The following ZNF277 variants were observed in gnomAD, a reference collection of about 807,000 sequenced individuals.
ZNF277 encodes the protein nuclear receptor-interacting factor 4.
A neutral mutation model predicts 60.7 loss-of-function variants in ZNF277; 55 were observed. The ratio of observed to expected loss-of-function variants is 0.91; its 90% confidence interval spans 0.73 to 1.13. The LOEUF (loss-of-function observed/expected upper bound fraction) is 1.13. Ranked by LOEUF, ZNF277 falls within the 50% of genes most tolerant of loss-of-function variation. The pLI is 0.00. For missense variants in ZNF277, 510 were observed against 523.0 expected, an observed-to-expected ratio of 0.98 and a Z score of 0.24; for synonymous variants, 178 against 179.3, an observed-to-expected ratio of 0.99 and a Z score of 0.06.
intron 1 of ZNF277, among the ~76,000 whole-genome samples, chr7:112,227,252 A>G (rs1158853557): frequency 6.6e-6 from 1 of 152,200 alleles, no homozygotes; most frequent in Non-Finnish European, 1.5e-5. Context: ...ACATATTTTC[A>G]TATGCTTGCA....
intron 2 of ZNF277, among the ~76,000 whole-genome samples, chr7:112,290,438 A>G (rs2117067716): frequency 6.6e-6 from 1 of 152,340 alleles, no homozygotes; most frequent in East Asian, 1.9e-4. Context: ...CTTAGGAGTC[A>G]GTAATTAAAT....
rs1430094710 is a variant in ZNF277 at position 112,322,445 on chromosome 7, C to T, written c.557+4172C>T. The stretch of plus-strand genomic sequence containing the variant: ...TACTTCCAGCTTAAGTCTTTTGAGC[C>T]CCTCTAGTCAATTTCTTATTTCAGT... On this transcript the variant is annotated intron_variant, in intron 5 of 11. Transcript: ENST00000361822. Among the ~76,000 whole-genome samples, 2 of 151,736 alleles carry T rather than the reference C, an allele frequency of 1.3e-5. 1 individual carries two copies. Among genetic ancestry groups the T allele is most frequent in the Non-Finnish European group, 2.9e-5 (2 of 67,944 alleles).
intron 1 of ZNF277, among the ~76,000 whole-genome samples, chr7:112,266,480 C>A (rs1369564221): frequency 6.6e-6 from 1 of 152,070 alleles, no homozygotes; most frequent in Non-Finnish European, 1.5e-5. Flanking sequence ...TATATAGTTA[C>A]TGTCTGGCCA....
chr7:112,224,708 C>T (rs568657745), intron 1 of ZNF277, among the ~76,000 whole-genome samples: 5 of 152,290 alleles, frequency 3.3e-5, no homozygotes, highest in African/African-American at 1.2e-4. Context: ...GCAGGTCTGG[C>T]AAGGACGGGG....
At chr7:112,212,134 A>G (rs1474575232) in intron 1 of ZNF277, among the ~76,000 whole-genome samples, 1 of 152,250 alleles carries the variant, frequency 6.6e-6, no homozygotes, top group Non-Finnish European at 1.5e-5. Context: ...AGTTTTTTAA[A>G]ATAAAGTTTT....
At chr7:112,301,747 ATAGT>A (rs2117085871) in intron 4 of ZNF277, among the ~76,000 whole-genome samples, 1 of 150,844 alleles carries the variant, frequency 6.6e-6, no homozygotes, top group African/African-American at 2.4e-5. Context: ...CTTTTCAATT[ATAGT>A]TAGTTATTTT....
chr7:112,294,598 TG>T (rs1792284115), intron 2 of ZNF277, among the ~76,000 whole-genome samples: 1 of 152,192 alleles, frequency 6.6e-6, no homozygotes, highest in South Asian at 2.1e-4. Context: ...AACTTAAACA[TG>T]GGATTCTATT....
In ZNF277 at chr7:112,342,652, G is replaced by A; in HGVS notation, c.1276G>A (p.Val426Ile). Residue 426 changes from valine (V) to isoleucine (I), a missense_variant, in exon 12 of 12, where the codon GTT (valine) becomes ATT (isoleucine). By Grantham distance (29) the Val-to-Ile change is conservative. Coordinates refer to ENST00000361822, the MANE Select transcript of ZNF277 (RefSeq NM_021994.3). ...GACAGCTCAGGAACAAAATGAAAAT[G>A]TTCCCATCATCAGTGAAGATACATC... ...DLTAQEQNEN[V>I]PIISEDTSKL... 6.2e-7 allele frequency: 1 copy of A among 1,612,756 alleles called. No individual in the cohort carries two copies. The highest frequency in any genetic ancestry group is 1.3e-5 in the African/African-American group (1 of 75,040).
At chr7:112,318,387 G>C in intron 5 of ZNF277, 114 bp downstream of exon 5, 1 of 829,468 alleles carries the variant, frequency 1.2e-6, no homozygotes, top group Non-Finnish European at 1.9e-6. Flanking sequence ...GGACCCTTTC[G>C]TATATAAGCA....
intron 2 of ZNF277, among the ~76,000 whole-genome samples, chr7:112,290,716 GTCT>G (rs933525769): frequency 7.0e-4 from 106 of 152,206 alleles, no homozygotes; most frequent in African/African-American, 2.4e-3. Flanking sequence ...ACTGTATCCA[GTCT>G]TCTTTAGATA....
intron 1 of ZNF277, among the ~76,000 whole-genome samples, chr7:112,276,138 G>A (rs1791788379): frequency 6.6e-6 from 1 of 152,170 alleles, no homozygotes; most frequent in African/African-American, 2.4e-5. Context: ...AACTCATTGA[G>A]AGTTTTCTAG....
chr7:112,303,864 G>A (rs1168994390), intron 4 of ZNF277, among the ~76,000 whole-genome samples: 1 of 152,014 alleles, frequency 6.6e-6, no homozygotes, highest in Non-Finnish European at 1.5e-5. Flanking sequence ...AGACTCAAAA[G>A]TAGAAGAAAA....
chr7:112,215,384 C>T (rs1821852918), intron 1 of ZNF277, among the ~76,000 whole-genome samples: 1 of 152,188 alleles, frequency 6.6e-6, no homozygotes, highest in African/African-American at 2.4e-5. Flanking sequence ...TCCTCTGGGA[C>T]AGTGTCATGT....
At position 112,321,365 on chromosome 7, in the gene ZNF277, A is replaced by G. The variant is rs373403799; in HGVS notation, c.557+3092A>G. Among the ~76,000 whole-genome samples the G allele has an allele frequency of 1.2e-4, 18 of 152,178 alleles. No homozygotes were observed. In the East Asian group the frequency reaches 2.5e-3, roughly 21 times the overall value. On this transcript the variant is annotated intron_variant, in intron 5 of 11. Coordinates refer to ENST00000361822, the MANE Select transcript of ZNF277 (RefSeq NM_021994.3). The stretch of plus-strand genomic sequence containing the variant: ...ATATGCAAAAACTTTGCTCCAATAT[A>G]ATTTGTTTCCTCCTCACTCCTTTGT...
At position 112,339,799 on chromosome 7, in the gene ZNF277, T is replaced by C. The variant is rs751595428; in HGVS notation, c.967-44T>C. The C allele has an allele frequency of 3.1e-5, 49 of 1,574,036 alleles. 2 individuals carry two copies. In the South Asian group the frequency reaches 5.4e-4, roughly 17 times the overall value. The stretch of plus-strand genomic sequence containing the variant: ...TTGTTTATAACTTCAGCCTGAAAGA[T>C]TAAATAATTCATATGCTTACAGATG... On this transcript the variant is annotated intron_variant, in intron 9 of 11. Coordinates refer to ENST00000361822, the MANE Select transcript of ZNF277 (RefSeq NM_021994.3).
At chr7:112,294,256 T>C (rs1231353076) in intron 2 of ZNF277, among the ~76,000 whole-genome samples, 1 of 152,164 alleles carries the variant, frequency 6.6e-6, no homozygotes, top group East Asian at 1.9e-4. Context: ...GGAGTAGCCA[T>C]GTAGGAGACT....
chr7:112,320,888 T>C (rs1435242892), intron 5 of ZNF277, among the ~76,000 whole-genome samples: 1 of 151,102 alleles, frequency 6.6e-6, no homozygotes, highest in East Asian at 1.9e-4. Flanking sequence ...TATTTTCTAG[T>C]GTATGATTTT....
intron 1 of ZNF277, among the ~76,000 whole-genome samples, chr7:112,229,185 C>G (rs1822256995): frequency 6.6e-6 from 1 of 152,078 alleles, no homozygotes; most frequent in South Asian, 2.1e-4. Context: ...GTACCAATAA[C>G]TAGGTTAAGC....
In ZNF277 at chr7:112,281,150, A is replaced by G. The variant is rs144889833; in HGVS notation, c.92-5723A>G. On this transcript the variant is annotated intron_variant, in intron 1 of 11. Transcript: ENST00000361822. ...AGGTTTAAAATACCCACACTGTTAT[A>G]TGATCAGGATATTCACAATCCTCGT... is the stretch of plus-strand genomic sequence containing the variant. Among the ~76,000 whole-genome samples the G allele has an allele frequency of 4.4e-4, 67 of 152,348 alleles. 1 individual carries two copies. In the Middle Eastern group the frequency reaches 0.01, roughly 23 times the overall value.
Sources: gnomAD v4.1 joint callset for allele counts (sites outside exome capture counted in the v4.1 genomes callset) on GRCh38, gnomAD v4.1.1 for gene constraint, MANE v1.5 for transcripts, NCBI Gene and HGNC (gene_info 2026-07-23, HGNC 2026-07-21) for gene names.